Variants in MAST4 observed in about 807,000 individuals in gnomAD.
MAST4 encodes the protein microtubule associated serine/threonine kinase family member 4, also known as microtubule-associated serine/threonine-protein kinase 4.
Under a neutral mutation model 162.7 loss-of-function variants are expected in MAST4, and 89 were observed. The observed-to-expected ratio is 0.55, with a 90% CI of 0.46 to 0.65. The LOEUF is 0.65. Ranked by LOEUF, MAST4 falls within the 30% of genes least tolerant of loss-of-function variation. MAST4 has a pLI of 0.00. For missense variants in MAST4, 3,153 were observed against 3,374.0 expected (o/e 0.93, Z 1.62); for synonymous variants, 1,479 against 1,361.1 (o/e 1.09, Z -1.91).
At chr5:67,136,697 T>C (rs1769691939) in intron 19 of MAST4, 33 bp downstream of exon 19, 3 of 1,504,206 alleles carry the variant, frequency 2.0e-6, no homozygotes, top group Non-Finnish European at 2.7e-6. Flanking sequence ...TTTGCTAATA[T>C]GCAAGAAATA....
chr5:66,691,703 A>G (rs901109467), intron 1 of MAST4, among the ~76,000 whole-genome samples: 5 of 152,108 alleles, frequency 3.3e-5, no homozygotes, highest in African/African-American at 1.2e-4. Context: ...TCCCTGAGAT[A>G]GCTTTTATAA....
intron 14 of MAST4, among the ~76,000 whole-genome samples, chr5:67,124,423 T>TCC (rs764788606): frequency 1.3e-5 from 2 of 150,982 alleles, no homozygotes; most frequent in African/African-American, 2.4e-5. Flanking sequence ...TCTCTCTGTC[T>TCC]CTCTCTCTCT....
intron 2 of MAST4, among the ~76,000 whole-genome samples, chr5:66,780,650 G>T (rs1312353130): frequency 2.0e-5 from 3 of 152,320 alleles, no homozygotes; most frequent in African/African-American, 4.8e-5. Flanking sequence ...GGCTCAGGTG[G>T]CCAGCTTTTA....
chr5:66,982,857 C>T lies in MAST4; in HGVS notation c.675-71547C>T, dbSNP rs771328911. 1.1e-4 allele frequency among the ~76,000 whole-genome samples: 16 copies of T among 152,306 alleles called. No individual in the cohort carries two copies. In the East Asian group the frequency reaches 2.1e-3, roughly 20 times the overall value. On this transcript the variant is annotated intron_variant, in intron 4 of 28. Coordinates refer to ENST00000403625, the MANE Select transcript of MAST4 (RefSeq NM_001164664.2). ...TGCCAGCCTGCAACCACTGTTGGAG[C>T]GTGGTGCCCTTTTACTGGTGATTAA...
At chr5:66,988,022 T>C (rs929560172) in intron 4 of MAST4, among the ~76,000 whole-genome samples, 7 of 152,222 alleles carry the variant, frequency 4.6e-5, no homozygotes, top group African/African-American at 1.4e-4. Context: ...TGTTTTGTTG[T>C]TTTGTGCCTA....
chr5:67,054,765 G>A (rs1353785230), intron 5 of MAST4, among the ~76,000 whole-genome samples: 1 of 152,046 alleles, frequency 6.6e-6, no homozygotes, highest in Non-Finnish European at 1.5e-5. Flanking sequence ...TACAAGACAT[G>A]GTTTCCATGT....
At chr5:66,833,619 C>T (rs1312617182) in intron 3 of MAST4, among the ~76,000 whole-genome samples, 5 of 152,172 alleles carry the variant, frequency 3.3e-5, no homozygotes, top group Admixed American at 6.5e-5. Flanking sequence ...GCATGTATCC[C>T]GTTTACCTAC....
At chr5:66,846,372 T>A (rs906124123) in intron 3 of MAST4, among the ~76,000 whole-genome samples, 1 of 152,144 alleles carries the variant, frequency 6.6e-6, no homozygotes, top group East Asian at 1.9e-4. Flanking sequence ...TATCCATACT[T>A]CTCCAATAGC....
rs148330160 is a variant in MAST4, at chr5:66,947,345, T to C, written c.674+47363T>C. 2.5e-3 allele frequency among the ~76,000 whole-genome samples: 380 copies of C among 152,298 alleles called. 1 individual carries two copies. Among genetic ancestry groups the C allele is most frequent in the Middle Eastern group, 6.8e-3 (2 of 292 alleles). On this transcript the variant is annotated intron_variant, in intron 4 of 28. Coordinates refer to ENST00000403625, the MANE Select transcript of MAST4 (RefSeq NM_001164664.2). ...TAAAGGAATATGGTTTGTTTTCTTT[T>C]CTTCCTGTGCCCTATCCATCTCCCT...
intron 3 of MAST4, among the ~76,000 whole-genome samples, chr5:66,816,012 G>C (rs1561350598): frequency 6.6e-6 from 1 of 152,190 alleles, no homozygotes; most frequent in Non-Finnish European, 1.5e-5. Flanking sequence ...AGCCAGGATA[G>C]ACAGGACTTA....
chr5:66,917,384 T>C (rs1764181956), intron 4 of MAST4: 1 of 182,614 alleles, frequency 5.5e-6, no homozygotes, highest in Non-Finnish European at 1.1e-5. Flanking sequence ...TTTATCTGTT[T>C]ATGATGTCTT....
chr5:66,882,892 G>A (rs1761780472), intron 3 of MAST4, among the ~76,000 whole-genome samples: 1 of 152,062 alleles, frequency 6.6e-6, no homozygotes, highest in African/African-American at 2.4e-5. Flanking sequence ...AAAATGTTTA[G>A]CACCTACTTG....
intron 3 of MAST4, among the ~76,000 whole-genome samples, chr5:66,823,027 C>A (rs1381500405): frequency 6.6e-6 from 1 of 152,102 alleles, no homozygotes; most frequent in Non-Finnish European, 1.5e-5. Flanking sequence ...ATCATGGGGG[C>A]AGTTTCCCCC....
chr5:66,749,913 G>C (rs958573675), intron 1 of MAST4, among the ~76,000 whole-genome samples: 2 of 152,044 alleles, frequency 1.3e-5, no homozygotes, highest in East Asian at 3.9e-4. Flanking sequence ...TATAGGCTTC[G>C]GTTTAAAAGT....
At chr5:66,872,415 C>T (rs1458710981) in intron 3 of MAST4, among the ~76,000 whole-genome samples, 1 of 152,198 alleles carries the variant, frequency 6.6e-6, no homozygotes, top group Non-Finnish European at 1.5e-5. Flanking sequence ...GGTGATCCAC[C>T]TGCCTCGGCC....
chr5:66,986,540 G>A (rs905502638), intron 4 of MAST4: 1 of 1,445,764 alleles, frequency 6.9e-7, no homozygotes, highest in Non-Finnish European at 9.2e-7. Flanking sequence ...TTCCTTTCCA[G>A]TACTTTCTCT....
intron 4 of MAST4, among the ~76,000 whole-genome samples, chr5:66,953,656 C>T (rs1286550339): frequency 3.9e-5 from 6 of 151,974 alleles, no homozygotes; most frequent in Non-Finnish European, 7.4e-5. Context: ...CAAAACAGTT[C>T]GAGTGCTCCT....
At chr5:66,939,082 T>C (rs950344860) in intron 4 of MAST4, among the ~76,000 whole-genome samples, 1 of 152,126 alleles carries the variant, frequency 6.6e-6, no homozygotes, top group Non-Finnish European at 1.5e-5. Context: ...ACATATGGAC[T>C]TAAAAATACA....
intron 5 of MAST4, among the ~76,000 whole-genome samples, chr5:67,075,360 A>G (rs1761511020): frequency 6.6e-6 from 1 of 151,682 alleles, no homozygotes; most frequent in African/African-American, 2.4e-5. Flanking sequence ...TTTTTTGTAG[A>G]GACAGGGTTT....
Sources: gnomAD v4.1 joint callset for allele counts (sites outside exome capture counted in the v4.1 genomes callset) on GRCh38, gnomAD v4.1.1 for gene constraint, MANE v1.5 for transcripts, NCBI Gene and HGNC (gene_info 2026-07-23, HGNC 2026-07-21) for gene names.